MGRN1: variants seen among roughly 807,000 people sequenced by gnomAD.
The protein encoded by MGRN1 is E3 ubiquitin-protein ligase MGRN1.
MGRN1 carries 29 observed loss-of-function variants against 69.2 expected under a neutral mutation model. That is an observed-to-expected ratio of 0.42 (90% CI 0.31 to 0.57). MGRN1 has a LOEUF of 0.57. MGRN1 is among the 20% of genes least tolerant of loss of function. The pLI is 0.15. For missense variants in MGRN1, 998 were observed against 796.2 expected (o/e 1.25, Z -3.05); for synonymous variants, 470 against 344.2 (o/e 1.37, Z -4.04).
In MGRN1 at chr16:4,625,060, G is replaced by A. The variant is rs1897595032; in HGVS notation, c.88+12G>A. 2.6e-6 allele frequency: 4 copies of A among 1,533,280 alleles called. No homozygotes were observed. The highest frequency in any genetic ancestry group is 1.4e-5 in the African/African-American group (1 of 69,898). 95.0% of individuals were successfully genotyped at this position (1,533,280 alleles called of 1,614,324 possible). On this transcript the variant is annotated intron_variant, in intron 1 of 16. Transcript: ENST00000262370. Reference sequence around the variant, plus strand: ...CCCTCCGAAGTCCGGTGAGCGCCCGGCCCCAGGCGCGGACTGCTAGGCACG... The same window carrying A: ...CCCTCCGAAGTCCGGTGAGCGCCCGACCCCAGGCGCGGACTGCTAGGCACG...
intron 1 of MGRN1, among the ~76,000 whole-genome samples, chr16:4,626,250 G>A (rs1897672808): frequency 6.6e-6 from 1 of 152,212 alleles, no homozygotes; most frequent in African/African-American, 2.4e-5. Context: ...ACGCACTGTT[G>A]CCTGCCTGCT....
Position 4,652,544 on chromosome 16 carries a change from G to C in MGRN1, c.297-134G>C, listed in dbSNP as rs550971256. 3.4e-6 allele frequency: 4 copies of C among 1,160,374 alleles called. No homozygotes were observed. In the African/African-American group the frequency reaches 6.3e-5, roughly 18 times the overall value. The allele number at this position is 1,160,374 out of a possible 1,614,324, so 71.9% of individuals were successfully genotyped here. On this transcript the variant is annotated intron_variant, in intron 3 of 16. Coordinates refer to ENST00000262370, the MANE Select transcript of MGRN1 (RefSeq NM_015246.4). ...GGCTTTCATGTACAAATAGGAAACAGCCCCTATGTCTACTGGAGAAGCGGG... is the reference window on the plus strand; with the variant it reads ...GGCTTTCATGTACAAATAGGAAACACCCCCTATGTCTACTGGAGAAGCGGG...
chr16:4,686,400 T>G, intron 16 of MGRN1: 3 of 1,489,578 alleles, frequency 2.0e-6, no homozygotes, highest in Non-Finnish European at 2.7e-6. Flanking sequence ...TTCTGGTTTT[T>G]GGGTCTTCGT....
chr16:4,669,348 G>C (rs62037139), intron 8 of MGRN1: 72,542 of 150,792 alleles, frequency 0.48, 17,745 homozygotes, highest in East Asian at 0.64. Context: ...GTAGGAGAAT[G>C]GCTTGAACCC....
chr16:4,628,526 C>A (rs986616407), intron 1 of MGRN1, among the ~76,000 whole-genome samples: 4 of 152,144 alleles, frequency 2.6e-5, no homozygotes, highest in Non-Finnish European at 1.5e-5. Flanking sequence ...CCAACCCCCA[C>A]CCTCAGCCCA....
intron 1 of MGRN1, chr16:4,634,447 G>A (rs1659506): frequency 0.25 from 38,326 of 152,560 alleles, 5,808 homozygotes; most frequent in African/African-American, 0.42. Context: ...GCGCCCTTCC[G>A]CTGTGTCCCG....
chr16:4,649,466 C>G (rs2078353391), intron 1 of MGRN1: 1 of 152,228 alleles, frequency 6.6e-6, no homozygotes, highest in Non-Finnish European at 1.5e-5. Context: ...CCTGGGGCCC[C>G]AGGCACTCAT....
intron 9 of MGRN1, 138 bp from the exon 10 acceptor site, chr16:4,673,360 C>T (rs2078983508): frequency 8.6e-7 from 1 of 1,169,148 alleles, no homozygotes; most frequent in Non-Finnish European, 1.2e-6. Context: ...GGGCAACCTC[C>T]CCCTCCCCTC....
At chr16:4,632,713 T>G (rs1299260125) in intron 1 of MGRN1, among the ~76,000 whole-genome samples, 4 of 152,114 alleles carry the variant, frequency 2.6e-5, no homozygotes, top group Non-Finnish European at 5.9e-5. Flanking sequence ...TTGGTATACT[T>G]GTGTTGTGCA....
chr16:4,670,427 GA>G (rs2078913669), intron 8 of MGRN1, among the ~76,000 whole-genome samples: 1 of 152,196 alleles, frequency 6.6e-6, no homozygotes, highest in Non-Finnish European at 1.5e-5. Flanking sequence ...ATTTTTTGTA[GA>G]GATGAGGTTT....
intron 16 of MGRN1, among the ~76,000 whole-genome samples, chr16:4,684,594 C>A (rs573337003): frequency 4.6e-5 from 7 of 152,260 alleles, no homozygotes; most frequent in Non-Finnish European, 1.0e-4. Context: ...AAGGCTGGGA[C>A]AGAGGGTTGC....
At chr16:4,672,930 CTGG>C (rs1275951742) in intron 9 of MGRN1, among the ~76,000 whole-genome samples, 3 of 152,216 alleles carry the variant, frequency 2.0e-5, no homozygotes, top group Non-Finnish European at 4.4e-5. Context: ...GCTCCGCCTC[CTGG>C]GTTCACGCCA....
Position 4,664,702 on chromosome 16 carries a change from T to A in MGRN1, c.562-7T>A. On this transcript the variant is annotated splice_region_variant and splice_polypyrimidine_tract_variant and intron_variant, in intron 5 of 16. Transcript: ENST00000262370. Reference sequence around the variant, plus strand: ...GTCCTGACCATTCTTGGCAACTCTCTCCTCAGCTGAACTTTGACCTGGACC... The same window carrying A: ...GTCCTGACCATTCTTGGCAACTCTCACCTCAGCTGAACTTTGACCTGGACC... 1 of 1,614,180 alleles carries A rather than the reference T, an allele frequency of 6.2e-7. No individual in the cohort carries two copies. The highest frequency in any genetic ancestry group is 1.3e-5 in the African/African-American group (1 of 75,046).
intron 16 of MGRN1, chr16:4,686,728 G>GAGGCCT (rs1177841351): frequency 9.9e-7 from 1 of 1,012,792 alleles, no homozygotes; most frequent in Non-Finnish European, 1.2e-6. Context: ...CCCAAGGGGA[G>GAGGCCT]AGGCCTGGGC....
rs1308118326 is a variant in MGRN1 at position 4,682,723 on chromosome 16, G to A, written c.1359-100G>A. 7.5e-6 allele frequency: 10 copies of A among 1,338,912 alleles called. No homozygotes were observed. In the East Asian group the frequency reaches 2.4e-4, roughly 32 times the overall value. 82.9% of individuals were successfully genotyped at this position (1,338,912 alleles called of 1,614,324 possible). ...AGTGTCCTTGCGTGGGTCCTGGCAG[G>A]CGTGTGCAGGGGCCCCCAGGTGCCC... On this transcript the variant is annotated intron_variant, in intron 13 of 16. Coordinates refer to ENST00000262370, the MANE Select transcript of MGRN1 (RefSeq NM_015246.4).
chr16:4,631,566 C>T (rs1192719142), intron 1 of MGRN1, among the ~76,000 whole-genome samples: 1 of 152,186 alleles, frequency 6.6e-6, no homozygotes, highest in Non-Finnish European at 1.5e-5. Flanking sequence ...CCAGAATATC[C>T]ATAGTGCTTA....
At chr16:4,651,630 C>T (rs1454649838) in intron 2 of MGRN1, among the ~76,000 whole-genome samples, 1 of 151,760 alleles carries the variant, frequency 6.6e-6, no homozygotes, top group Non-Finnish European at 1.5e-5. Context: ...AGGGTGGGGA[C>T]TGAGGAAGGG....
intron 7 of MGRN1, among the ~76,000 whole-genome samples, chr16:4,665,484 T>C (rs2141926022): frequency 6.7e-6 from 1 of 149,916 alleles, no homozygotes. Flanking sequence ...TTCTCCCACC[T>C]CAACCTCCCG....
intron 7 of MGRN1, among the ~76,000 whole-genome samples, chr16:4,665,409 G>A (rs1447628047): frequency 6.6e-6 from 1 of 151,344 alleles, no homozygotes; most frequent in African/African-American, 2.4e-5. Flanking sequence ...CTGTCACCCA[G>A]GCTGGAGTTC....
Sources: allele counts gnomAD v4.1 joint callset (sites outside exome capture counted in the v4.1 genomes callset), GRCh38; gene constraint gnomAD v4.1.1; transcripts MANE v1.5; gene names NCBI Gene and HGNC (gene_info 2026-07-23, HGNC 2026-07-21).